Variants in LINGO2 observed in about 807,000 individuals in gnomAD.
LINGO2 encodes leucine rich repeat and Ig domain containing 2.
LINGO2 carries 14 observed loss-of-function variants against 30.6 expected under a neutral mutation model. That is an observed-to-expected ratio of 0.46 (90% CI 0.30 to 0.72). The LOEUF (loss-of-function observed/expected upper bound fraction) is 0.72, where lower values mean the gene tolerates loss of function less well. LINGO2 is among the 30% of genes least tolerant of loss of function. The probability of loss-of-function intolerance (pLI) is 0.07; values close to 1 mark genes in which losing one functional copy is unlikely to be tolerated. For synonymous variants in LINGO2, 317 were observed against 288.5 expected (o/e 1.10, Z -1.00); for missense variants, 729 against 751.7 (o/e 0.97, Z 0.35).
At chr9:28,768,247 C>T in the LINGO2 span, among the ~76,000 whole-genome samples, 2 of 152,118 alleles carry the variant, frequency 1.3e-5, no homozygotes, top group African/African-American at 4.8e-5. Context: ...AACCAGCTGG[C>T]CTTTTAACAT....
Position 28,624,267 on chromosome 9 carries a change from G to A in LINGO2, c.-365+45933C>T, listed in dbSNP as rs375124018. On this transcript the variant is annotated intron_variant, in intron 1 of 5. Coordinates refer to ENST00000379992, the Ensembl canonical transcript of LINGO2. ...TTGTATTTCTGATCTTAGAGGAAAA[G>A]CTTTTAGTTTTTACCCATTCAGTAT... is the stretch of plus-strand genomic sequence containing the variant. Among the ~76,000 whole-genome samples the A allele has an allele frequency of 4.6e-5, 7 of 152,124 alleles. No individual in the cohort carries two copies. In the East Asian group the frequency reaches 9.7e-4, roughly 21 times the overall value.
chr9:28,577,162 C>T (rs565361471), intron 1 of LINGO2, among the ~76,000 whole-genome samples: 10 of 152,244 alleles, frequency 6.6e-5, no homozygotes, highest in African/African-American at 2.2e-4. Context: ...TGAGACGGGC[C>T]TGAATTTTGC....
chr9:29,088,140 A>T, the LINGO2 span, among the ~76,000 whole-genome samples: 55 of 152,162 alleles, frequency 3.6e-4, no homozygotes, highest in Admixed American at 2.5e-3. Flanking sequence ...GCTGTCTCAT[A>T]GTAAAGTTGA....
chr9:28,452,829 A>G (rs1331888), intron 2 of LINGO2, among the ~76,000 whole-genome samples: 3,704 of 151,932 alleles, frequency 0.024, 142 homozygotes, highest in African/African-American at 0.082. Flanking sequence ...AGAGGTGTGG[A>G]AAAAGTGAAA....
the LINGO2 span, among the ~76,000 whole-genome samples, chr9:28,743,648 T>A: frequency 2.0e-5 from 3 of 152,074 alleles, no homozygotes; most frequent in South Asian, 6.2e-4. Flanking sequence ...TTATTTCTGA[T>A]GAGAATGTAG....
At chr9:28,049,897 A>G (rs1053091565) in intron 4 of LINGO2, among the ~76,000 whole-genome samples, 4 of 150,834 alleles carry the variant, frequency 2.7e-5, no homozygotes, top group Admixed American at 6.6e-5. Context: ...GAGCAACATG[A>G]TCAGGGTTGT....
At chr9:29,038,180 T>G in the LINGO2 span, among the ~76,000 whole-genome samples, 2 of 152,104 alleles carry the variant, frequency 1.3e-5, no homozygotes, top group Non-Finnish European at 2.9e-5. Context: ...ATTCAACTTC[T>G]GTAGACAACG....
At chr9:28,759,094 C>G in the LINGO2 span, among the ~76,000 whole-genome samples, 2 of 151,792 alleles carry the variant, frequency 1.3e-5, no homozygotes, top group Admixed American at 1.3e-4. Flanking sequence ...TGTCAGTGAC[C>G]CAGTAATTGT....
the LINGO2 span, among the ~76,000 whole-genome samples, chr9:28,848,656 G>C: frequency 6.6e-6 from 1 of 150,874 alleles, no homozygotes; most frequent in Admixed American, 6.7e-5. Flanking sequence ...GGACTACAGA[G>C]CTTTTCCTCA....
chr9:28,218,664 C>T (rs1391132098), intron 4 of LINGO2, among the ~76,000 whole-genome samples: 1 of 152,010 alleles, frequency 6.6e-6, no homozygotes, highest in East Asian at 1.9e-4. Context: ...ATATTCTCCA[C>T]CATGAAGGAC....
In LINGO2 at chr9:28,438,694, T is replaced by C. The variant is rs1205023686; in HGVS notation, c.-279+37246A>G. ...TGCATCAGCTATTGGCAAGTAGTAA[T>C]GAGGAATTAAGCTTACAAATCTTTA... is the stretch of plus-strand genomic sequence containing the variant. On this transcript the variant is annotated intron_variant, in intron 2 of 5. Coordinates refer to ENST00000379992, the Ensembl canonical transcript of LINGO2. Among the ~76,000 whole-genome samples the C allele has an allele frequency of 2.6e-5, 4 of 152,098 alleles. No individual in the cohort carries two copies. In the East Asian group the frequency reaches 7.7e-4, roughly 29 times the overall value.
At chr9:28,053,544 G>T (rs1824775763) in intron 4 of LINGO2, among the ~76,000 whole-genome samples, 1 of 152,036 alleles carries the variant, frequency 6.6e-6, no homozygotes, top group Non-Finnish European at 1.5e-5. Flanking sequence ...TCTTTCCCGG[G>T]ATATCAGCTT....
intron 1 of LINGO2, among the ~76,000 whole-genome samples, chr9:28,576,994 C>T (rs954145630): frequency 6.6e-6 from 1 of 152,092 alleles, no homozygotes; most frequent in Non-Finnish European, 1.5e-5. Context: ...CTGACTTAAA[C>T]AACTCCATCT....
chr9:29,024,469 T>C, the LINGO2 span, among the ~76,000 whole-genome samples: 1 of 152,134 alleles, frequency 6.6e-6, no homozygotes, highest in Non-Finnish European at 1.5e-5. Flanking sequence ...TTAGACTTAA[T>C]GACATCACTT....
the LINGO2 span, among the ~76,000 whole-genome samples, chr9:29,120,751 G>A: frequency 6.6e-6 from 1 of 152,122 alleles, no homozygotes; most frequent in Admixed American, 6.6e-5. Context: ...CACACAAATG[G>A]ACTTGAACCA....
chr9:28,041,988 C>T (rs757706053), intron 4 of LINGO2, among the ~76,000 whole-genome samples: 1 of 152,098 alleles, frequency 6.6e-6, no homozygotes, highest in Non-Finnish European at 1.5e-5. Context: ...CTGTGACTTC[C>T]TAAGCTGTAT....
At chr9:28,170,834 C>G (rs1191911903) in intron 4 of LINGO2, among the ~76,000 whole-genome samples, 1 of 152,202 alleles carries the variant, frequency 6.6e-6, no homozygotes, top group Middle Eastern at 3.2e-3. Context: ...TACTAACACC[C>G]TGGGAGCAAA....
the LINGO2 span, among the ~76,000 whole-genome samples, chr9:28,882,180 T>C: frequency 6.6e-6 from 1 of 152,236 alleles, no homozygotes. Context: ...CGATTTAATC[T>C]TGTATATTCA....
intron 1 of LINGO2, among the ~76,000 whole-genome samples, chr9:28,495,024 A>T (rs1358584989): frequency 1.3e-5 from 2 of 152,084 alleles, no homozygotes; most frequent in Admixed American, 6.6e-5. Flanking sequence ...TTCTTTTGAG[A>T]AGTGTCTGTT....
Sources: allele counts gnomAD v4.1 joint callset (sites outside exome capture counted in the v4.1 genomes callset), GRCh38; gene constraint gnomAD v4.1.1; transcripts MANE v1.5; gene names NCBI Gene and HGNC (gene_info 2026-07-23, HGNC 2026-07-21).